The following AGO1 variants were observed in gnomAD, a reference collection of about 807,000 sequenced individuals.
The protein encoded by AGO1 is protein argonaute-1.
A neutral mutation model predicts 109.2 loss-of-function variants in AGO1; 11 were observed. The ratio of observed to expected loss-of-function variants is 0.10; its 90% CI spans 0.06 to 0.17. AGO1 has a LOEUF of 0.17. Ranked by LOEUF, AGO1 falls within the 10% of genes least tolerant of loss-of-function variation. AGO1 has a pLI of 1.00. For synonymous variants in AGO1, 422 were observed against 418.6 expected (o/e 1.01, Z -0.10); for missense variants, 574 against 1,140.3 (o/e 0.50, Z 7.15).
At position 35,919,050 on chromosome 1, in the gene AGO1, C is replaced by G; in HGVS notation, c.2266-5C>G. ...CTGGGACCCCTCACCTTCCTATCTT[C>G]CCAGGGCACCAGCCGACCATCCCAT... On this transcript the variant is annotated splice_region_variant and splice_polypyrimidine_tract_variant and intron_variant, in intron 17 of 18. Transcript: ENST00000373204. This position sits in a 1 kb window ranked among gnomAD's most constrained non-coding sequence, Gnocchi z 6.6. The G allele has an allele frequency of 1.2e-6, 2 of 1,614,134 alleles. No individual in the cohort carries two copies. The highest frequency in any genetic ancestry group is 2.2e-5 in the South Asian group (2 of 91,068).
At chr1:35,882,983 C>CTG, upstream of AGO1, 1 of 936,522 alleles carries the variant, frequency 1.1e-6, no homozygotes, top group South Asian at 4.9e-5. This position sits in a 1 kb window ranked among gnomAD's most constrained non-coding sequence, Gnocchi z 5.1. Context: ...CTGAAGGCTG[C>CTG]TGTGGCGGGA....
chr1:35,898,331 A>C (rs1645356712), intron 8 of AGO1, among the ~76,000 whole-genome samples: 1 of 150,462 alleles, frequency 6.6e-6, no homozygotes, highest in Admixed American at 6.7e-5. Flanking sequence ...ATCTCGGCTC[A>C]CTGCAAGCTC....
rs1183060148 is a variant in AGO1, at chr1:35,892,766, T to G, written c.330+89T>G. 1.1e-5 allele frequency: 17 copies of G among 1,583,616 alleles called. No homozygotes were observed. The East Asian group carries it at 3.4e-4, about 31-fold the overall frequency. On this transcript the variant is annotated intron_variant, in intron 3 of 18. Transcript: ENST00000373204. ...CCTCTTTGGAGATCCAGAGATCCTTTTCATCTTTTGTGCTGAGAAAGTATG... is the reference window on the plus strand; with the variant it reads ...CCTCTTTGGAGATCCAGAGATCCTTGTCATCTTTTGTGCTGAGAAAGTATG...
rs375985449 is a variant in AGO1, at chr1:35,919,297, A to T, written c.2465+43A>T. ...GTTGGCCTCCTTTTTGCTTCAGCCT[A>T]TTGTGCCAGATCTTCTTAACTTTCC... On this transcript the variant is annotated intron_variant, in intron 18 of 18. Transcript: ENST00000373204. This position sits in a 1 kb window ranked among gnomAD's most constrained non-coding sequence, Gnocchi z 6.6. 6.3e-7 allele frequency: 1 copy of T among 1,580,470 alleles called. No individual in the cohort carries two copies. Among genetic ancestry groups the T allele is most frequent in the Non-Finnish European group, 8.6e-7 (1 of 1,161,328 alleles).
chr1:35,879,734 CAAAAAAAAAA>C (rs71034705), upstream of AGO1, among the ~76,000 whole-genome samples: 35 of 57,494 alleles, frequency 6.1e-4, no homozygotes, highest in African/African-American at 2.0e-3. Flanking sequence ...GGTTCTGTCT[CAAAAAAAAAA>C]AAAAAAAAAA....
rs955272510 is a variant in AGO1, at chr1:35,883,241, C to T, written c.-181C>T. On this transcript the variant is annotated 5_prime_UTR_variant, in exon 1 of 19. Transcript: ENST00000373204. This position sits in a 1 kb window ranked among gnomAD's most constrained non-coding sequence, Gnocchi z 5.4. ...GCTGGCCGGGCGCTCGCAGTGGGAG[C>T]TGCTGCAGGCTCCGCGGCGGCGGCA... 2 of 1,307,570 alleles carry T rather than the reference C, an allele frequency of 1.5e-6. No homozygotes were observed. Among genetic ancestry groups the T allele is most frequent in the East Asian group, 3.4e-5 (1 of 29,664 alleles). 81.0% of individuals were successfully genotyped at this position (1,307,570 alleles called of 1,614,324 possible).
intron 1 of AGO1, among the ~76,000 whole-genome samples, chr1:35,885,922 A>G (rs1645112950): frequency 6.6e-6 from 1 of 152,238 alleles, no homozygotes; most frequent in South Asian, 2.1e-4. Context: ...TCCTTTTTGG[A>G]GAGATTGGCT....
intron 1 of AGO1, among the ~76,000 whole-genome samples, chr1:35,876,575 T>C (rs1161033254): frequency 6.6e-6 from 1 of 152,142 alleles, no homozygotes; most frequent in African/African-American, 2.4e-5. Context: ...TGGAAATCCT[T>C]CTTATGGATG....
chr1:35,893,062 G>A lies in AGO1; in HGVS notation c.331-35G>A, dbSNP rs1182536831. The A allele has an allele frequency of 2.5e-6, 4 of 1,596,154 alleles. No individual in the cohort carries two copies. Among genetic ancestry groups the A allele is most frequent in the Non-Finnish European group, 3.4e-6 (4 of 1,167,044 alleles). On this transcript the variant is annotated intron_variant, in intron 3 of 18. Transcript: ENST00000373204. This position sits in a 1 kb window ranked among gnomAD's most constrained non-coding sequence, Gnocchi z 5.6. Reference sequence around the variant, plus strand: ...TGGGGGTCATTCTCGCAGAGCAATGGCAATCCTTCATCCCTTTCTTTCACC... The same window carrying A: ...TGGGGGTCATTCTCGCAGAGCAATGACAATCCTTCATCCCTTTCTTTCACC...
Position 35,883,750 on chromosome 1 carries a change from G to T in AGO1, c.25+304G>T, listed in dbSNP as rs1189639534. On this transcript the variant is annotated intron_variant, in intron 1 of 18. Transcript: ENST00000373204. The surrounding 1 kb of genome is among the most constrained non-coding windows in gnomAD (Gnocchi z 5.4). ...TCCGTGGAGGCCTACGGAGAGGCCC[G>T]GCAGGTGGCAGGGGACGGGCTCCAG... 6.6e-6 allele frequency among the ~76,000 whole-genome samples: 1 copy of T among 152,222 alleles called. No individual in the cohort carries two copies. The highest frequency in any genetic ancestry group is 1.5e-5 in the Non-Finnish European group (1 of 68,036).
chr1:35,916,664 G>A (rs886318989), intron 15 of AGO1, among the ~76,000 whole-genome samples: 1 of 152,150 alleles, frequency 6.6e-6, no homozygotes, highest in Admixed American at 6.5e-5. Context: ...CACCGTGCCC[G>A]GCCATTATGC....
chr1:35,911,757 T>C (rs917936231), intron 12 of AGO1, among the ~76,000 whole-genome samples: 1 of 152,104 alleles, frequency 6.6e-6, no homozygotes, highest in Non-Finnish European at 1.5e-5. Context: ...CCACAACAAT[T>C]TTTGCCTCTA....
intron 8 of AGO1, among the ~76,000 whole-genome samples, chr1:35,896,396 C>CA (rs1311474387): frequency 6.6e-6 from 1 of 151,654 alleles, no homozygotes; most frequent in Non-Finnish European, 1.5e-5. Context: ...TTTTTTGAGA[C>CA]AGAGTCTCGC....
At chr1:35,910,816 G>T (rs1165990823) in intron 12 of AGO1, among the ~76,000 whole-genome samples, 3 of 152,134 alleles carry the variant, frequency 2.0e-5, no homozygotes, top group Non-Finnish European at 2.9e-5. Context: ...TGTAAACCTA[G>T]CACTTTGGGA....
At position 35,893,734 on chromosome 1, in the gene AGO1, G is replaced by T. The variant is rs1645264900; in HGVS notation, c.573G>T (p.Gly191=). Residue 191 remains glycine (G), a synonymous_variant, in exon 5 of 19, where the codon GGG becomes GGT. Coordinates refer to ENST00000373204, the MANE Select transcript of AGO1 (RefSeq NM_012199.5). This position sits in a 1 kb window ranked among gnomAD's most constrained non-coding sequence, Gnocchi z 5.6. ...CTGAGGGCTACTACCACCCGCTGGG[G>T]GGTGGGCGCGAGGTCTGGTTCGGCT... The part of the protein sequence containing the change: ...SPPEGYYHPL[G]GGREVWFGFH... 1 of 1,613,842 alleles carries T rather than the reference G, an allele frequency of 6.2e-7. No homozygotes were observed. Among genetic ancestry groups the T allele is most frequent in the Non-Finnish European group, 8.5e-7 (1 of 1,179,920 alleles).
rs1285224979 is a variant in AGO1, at chr1:35,888,756, T to C, written c.209+146T>C. ...GGGAGATGCCACGTCGGGTAAATGC[T>C]GAAAAATAGTCCAATTGGACTTCGC... is the stretch of plus-strand genomic sequence containing the variant. On this transcript the variant is annotated intron_variant, in intron 2 of 18. Coordinates refer to ENST00000373204, the MANE Select transcript of AGO1 (RefSeq NM_012199.5). The surrounding 1 kb of genome is among the most constrained non-coding windows in gnomAD (Gnocchi z 4.1). 1.6e-5 allele frequency: 14 copies of C among 877,860 alleles called. No homozygotes were observed. Among genetic ancestry groups the C allele is most frequent in the Non-Finnish European group, 2.4e-5 (14 of 589,784 alleles). 54.4% of individuals were successfully genotyped at this position (877,860 alleles called of 1,614,324 possible).
chr1:35,876,509 G>A (rs576166308), intron 1 of AGO1, among the ~76,000 whole-genome samples: 16 of 151,982 alleles, frequency 1.1e-4, no homozygotes, highest in African/African-American at 2.7e-4. Context: ...TTCGTGATCC[G>A]CCCACCTCGG....
rs1008583388 is a variant in AGO1 at position 35,930,434 on chromosome 1, C to T, written c.*10827C>T. Reference sequence around the variant, plus strand: ...TGGAAGCCAACCAGTATAGCTGTAGCACAGGCGGGGCCCATTTACGCCGTG... The same window carrying T: ...TGGAAGCCAACCAGTATAGCTGTAGTACAGGCGGGGCCCATTTACGCCGTG... On this transcript the variant is annotated 3_prime_UTR_variant, in exon 19 of 19. Coordinates refer to ENST00000373204, the MANE Select transcript of AGO1 (RefSeq NM_012199.5). 1 of 152,302 alleles carries T rather than the reference C, an allele frequency of 6.6e-6. No individual in the cohort carries two copies. The highest frequency in any genetic ancestry group is 6.5e-5 in the Admixed American group (1 of 15,300). 9.4% of individuals were successfully genotyped at this position (152,302 alleles called of 1,614,324 possible).
intron 1 of AGO1, among the ~76,000 whole-genome samples, chr1:35,885,587 A>G (rs759734870): frequency 1.2e-4 from 18 of 152,214 alleles, no homozygotes; most frequent in Non-Finnish European, 2.1e-4. Flanking sequence ...TGGCCTGAGG[A>G]CATAATACAC....
Sources: gnomAD v4.1 joint callset for allele counts (sites outside exome capture counted in the v4.1 genomes callset) on GRCh38, gnomAD v4.1.1 for gene constraint, Gnocchi (gnomAD v3.1) non-coding constraint, MANE v1.5 for transcripts, NCBI Gene and HGNC (gene_info 2026-07-23, HGNC 2026-07-21) for gene names.